The following PCDHA7 variants were observed in gnomAD, a reference collection of about 807,000 sequenced individuals.
The protein encoded by PCDHA7 is protocadherin alpha 7.
Under a neutral mutation model 57.2 loss-of-function variants are expected in PCDHA7, and 37 were observed. The observed-to-expected ratio is 0.65, with a 90% CI of 0.50 to 0.85. The LOEUF (loss-of-function observed/expected upper bound fraction) is 0.85. Among genes scored for constraint, PCDHA7 ranks in the 40% least tolerant of loss-of-function variants. The pLI is 0.00. For synonymous variants in PCDHA7, 553 were observed against 558.8 expected (o/e 0.99, Z 0.15); for missense variants, 1,188 against 1,241.8 (o/e 0.96, Z 0.65).
At chr5:140,860,385 A>T (rs2046366779) in intron 1 of PCDHA7, 1 of 152,142 alleles carries the variant, frequency 6.6e-6, no homozygotes, top group African/African-American at 2.4e-5. Flanking sequence ...TATTTCAAAA[A>T]TTGAAAAAAG....
At chr5:140,945,125 T>G (rs405192) in intron 1 of PCDHA7, among the ~76,000 whole-genome samples, 86,337 of 151,830 alleles carry the variant, frequency 0.57, 25,231 homozygotes, top group African/African-American at 0.71. Flanking sequence ...AAAAATCAAC[T>G]TACAAAAATC....
intron 1 of PCDHA7, chr5:140,929,402 A>G: frequency 7.3e-6 from 11 of 1,507,926 alleles, no homozygotes; most frequent in Non-Finnish European, 9.7e-6. Context: ...TTTCTTAGAC[A>G]AGCCTTTCAC....
At chr5:140,979,868 C>T (rs1554241158) in intron 2 of PCDHA7, among the ~76,000 whole-genome samples, 1 of 152,160 alleles carries the variant, frequency 6.6e-6, no homozygotes. Context: ...AATATCTGGG[C>T]AACTATCAAG....
At chr5:140,869,953 A>G (rs781865487) in intron 1 of PCDHA7, 10 of 1,612,868 alleles carry the variant, frequency 6.2e-6, no homozygotes, top group Middle Eastern at 3.3e-4. Context: ...CTTAATGTCA[A>G]TTAAGCCCAA....
chr5:140,899,468 G>A (rs1243330987), intron 1 of PCDHA7, among the ~76,000 whole-genome samples: 131 of 152,196 alleles, frequency 8.6e-4, no homozygotes, highest in Admixed American at 2.5e-3. Context: ...TTTGTCTTTG[G>A]TTCTGTTTAT....
At chr5:140,954,834 G>A (rs879960376) in intron 1 of PCDHA7, among the ~76,000 whole-genome samples, 1 of 152,154 alleles carries the variant, frequency 6.6e-6, no homozygotes, top group African/African-American at 2.4e-5. Context: ...CTTTTGTCAT[G>A]AAATCTTTGC....
At chr5:140,870,826 G>T (rs781804523) in intron 1 of PCDHA7, 16 of 1,613,638 alleles carry the variant, frequency 9.9e-6, no homozygotes, top group Non-Finnish European at 1.3e-5. Context: ...CGCGGGAGGC[G>T]CAGTTAACAA....
At chr5:140,925,671 A>AATAATG (rs1554202870) in intron 1 of PCDHA7, among the ~76,000 whole-genome samples, 40 of 148,180 alleles carry the variant, frequency 2.7e-4, no homozygotes, top group African/African-American at 9.5e-4. Flanking sequence ...TAATAATAAT[A>AATAATG]ATAATAAAGC....
intron 1 of PCDHA7, chr5:140,884,562 A>C (rs782650365): frequency 6.2e-7 from 1 of 1,614,166 alleles, no homozygotes; most frequent in Non-Finnish European, 8.5e-7. Flanking sequence ...GAGGGCCCGC[A>C]TAAGACGGAC....
chr5:140,961,196 A>G (rs2095596614), intron 1 of PCDHA7, among the ~76,000 whole-genome samples: 2 of 152,150 alleles, frequency 1.3e-5, no homozygotes, highest in African/African-American at 4.8e-5. Context: ...GACCCTAGTG[A>G]GGTTGGTATT....
At chr5:140,874,935 G>T (rs2055180248) in intron 1 of PCDHA7, among the ~76,000 whole-genome samples, 1 of 152,168 alleles carries the variant, frequency 6.6e-6, no homozygotes, top group South Asian at 2.1e-4. Context: ...AAAAGTTATT[G>T]AAACAGCGGA....
intron 1 of PCDHA7, among the ~76,000 whole-genome samples, chr5:140,941,737 T>A (rs1221306435): frequency 3.9e-5 from 6 of 152,234 alleles, no homozygotes; most frequent in Admixed American, 2.0e-4. Context: ...TTCCCCATTA[T>A]CTTATCAGAT....
At position 140,971,319 on chromosome 5, in the gene PCDHA7, A is replaced by C. The variant is rs568701560; in HGVS notation, c.2356-7630A>C. ...TGGTACACAAACATTTAATCTAGGG[A>C]GAAAATTATTTCAGAAAGTGCTTGC... is the stretch of plus-strand genomic sequence containing the variant. On this transcript the variant is annotated intron_variant, in intron 1 of 3. Transcript: ENST00000525929. Among the ~76,000 whole-genome samples the C allele has an allele frequency of 2.1e-4, 32 of 152,346 alleles. 1 individual carries two copies. Among genetic ancestry groups the C allele is most frequent in the Admixed American group, 2.0e-3 (31 of 15,306 alleles).
At chr5:140,988,007 A>G (rs2097277966) in intron 3 of PCDHA7, among the ~76,000 whole-genome samples, 1 of 152,230 alleles carries the variant, frequency 6.6e-6, no homozygotes, top group Non-Finnish European at 1.5e-5. Context: ...TTCCCCAGAA[A>G]GAAAGCATGA....
intron 1 of PCDHA7, among the ~76,000 whole-genome samples, chr5:140,950,992 G>A (rs2094539287): frequency 6.6e-6 from 1 of 151,384 alleles, no homozygotes; most frequent in Admixed American, 6.6e-5. Flanking sequence ...GCCTCTTTTA[G>A]CTCCATTTTT....
intron 3 of PCDHA7, among the ~76,000 whole-genome samples, chr5:141,002,081 G>T (rs1016567220): frequency 3.3e-5 from 5 of 152,220 alleles, no homozygotes; most frequent in South Asian, 2.1e-4. Flanking sequence ...GCCAAAGAAC[G>T]AGCAGTCCAG....
chr5:140,876,723 C>T (rs782820769), intron 1 of PCDHA7: 2 of 1,614,130 alleles, frequency 1.2e-6, no homozygotes, highest in African/African-American at 1.3e-5. Flanking sequence ...ACCGCGAGAG[C>T]GTGTCGGCCT....
intron 1 of PCDHA7, among the ~76,000 whole-genome samples, chr5:140,933,534 ATAATGT>A (rs1401849089): frequency 6.6e-6 from 1 of 152,102 alleles, no homozygotes; most frequent in Non-Finnish European, 1.5e-5. Context: ...TAAACTCAAA[ATAATGT>A]TAATATAAAA....
At chr5:140,840,106 C>T (rs1776564749) in intron 1 of PCDHA7, among the ~76,000 whole-genome samples, 1 of 151,740 alleles carries the variant, frequency 6.6e-6, no homozygotes, top group South Asian at 2.1e-4. Context: ...TTAGTGAAAT[C>T]GAGTGAAAGC....
Sources: gnomAD v4.1 joint callset for allele counts (sites outside exome capture counted in the v4.1 genomes callset) on GRCh38, gnomAD v4.1.1 for gene constraint, MANE v1.5 for transcripts, NCBI Gene and HGNC (gene_info 2026-07-23, HGNC 2026-07-21) for gene names.